The following KCND3 variants were observed in gnomAD, a reference collection of about 807,000 sequenced individuals.
KCND3 encodes A-type voltage-gated potassium channel KCND3.
Under a neutral mutation model 51.1 loss-of-function variants are expected in KCND3, and 9 were observed. That is an observed-to-expected ratio of 0.18 (90% confidence interval 0.11 to 0.31). KCND3 has a LOEUF of 0.31. Among genes scored for constraint, KCND3 ranks in the 10% least tolerant of loss-of-function variants. The pLI, the probability that KCND3 is intolerant of heterozygous loss-of-function variation, is 1.00. For missense variants in KCND3, 526 were observed against 903.8 expected (o/e 0.58, Z 5.36); for synonymous variants, 349 against 368.0 (o/e 0.95, Z 0.59).
chr1:111,981,626 T>A lies in KCND3; in HGVS notation c.1101A>T (p.Thr367=). The change falls in exon 2 of 8, where the codon ACA becomes ACT. Residue 367 remains threonine (T), a synonymous_variant. Coordinates refer to ENST00000302127, the MANE Select transcript of KCND3 (RefSeq NM_001378969.1). The surrounding 1 kb of genome is among the most constrained non-coding windows in gnomAD (Gnocchi z 6.2). ...SFWYTIVTMT[T]LGYGDMVPKT... is the part of the protein sequence containing the mutation. ...ATCCACCAGCGCTGACTTACCCCAG[T>A]GTGGTCATGGTGACAATGGTGTACC... 1 of 1,614,102 alleles carries A rather than the reference T, an allele frequency of 6.2e-7. No individual in the cohort carries two copies. Among genetic ancestry groups the A allele is most frequent in the Non-Finnish European group, 8.5e-7 (1 of 1,179,998 alleles).
At chr1:111,977,379 C>T (rs1674690841) in intron 2 of KCND3, among the ~76,000 whole-genome samples, 1 of 152,196 alleles carries the variant, frequency 6.6e-6, no homozygotes, top group South Asian at 2.1e-4. Flanking sequence ...AGGCCCCTTC[C>T]AGGATTATGT....
intron 2 of KCND3, among the ~76,000 whole-genome samples, chr1:111,924,486 C>T (rs1671609819): frequency 6.6e-6 from 1 of 152,184 alleles, no homozygotes; most frequent in South Asian, 2.1e-4. Flanking sequence ...TATTTGTTAA[C>T]ATGTGTAGGA....
At chr1:111,812,548 AC>A (rs975419257) in intron 2 of KCND3, among the ~76,000 whole-genome samples, 2 of 152,252 alleles carry the variant, frequency 1.3e-5, no homozygotes, top group Non-Finnish European at 2.9e-5. Flanking sequence ...CATGCCAAGC[AC>A]CGTGCTAAGC....
chr1:111,807,028 T>A (rs1665603809), intron 2 of KCND3, among the ~76,000 whole-genome samples: 1 of 152,206 alleles, frequency 6.6e-6, no homozygotes, highest in Admixed American at 6.5e-5. Flanking sequence ...CCCAGGTGAC[T>A]AGCACAGTAA....
At chr1:111,794,753 G>C (rs1218892450) in intron 2 of KCND3, among the ~76,000 whole-genome samples, 2 of 152,162 alleles carry the variant, frequency 1.3e-5, no homozygotes, top group Non-Finnish European at 2.9e-5. Flanking sequence ...TACCAGCCAG[G>C]GCTGAGTTCA....
At chr1:111,955,203 G>A (rs1673266638) in intron 2 of KCND3, among the ~76,000 whole-genome samples, 1 of 152,230 alleles carries the variant, frequency 6.6e-6, no homozygotes, top group African/African-American at 2.4e-5. Flanking sequence ...AAGCCTAGGA[G>A]TTGAAGAGCA....
chr1:111,948,822 G>C (rs1557739075), intron 2 of KCND3, among the ~76,000 whole-genome samples: 2 of 152,054 alleles, frequency 1.3e-5, no homozygotes. Flanking sequence ...AGATGAGGGA[G>C]GGATAGGCGA....
intron 2 of KCND3, among the ~76,000 whole-genome samples, chr1:111,907,090 C>G (rs1377873095): frequency 6.6e-6 from 1 of 152,172 alleles, no homozygotes; most frequent in Non-Finnish European, 1.5e-5. Context: ...CTCCTGTTCC[C>G]TCGTGTTCAG....
At chr1:111,823,350 C>T (rs1030310170) in intron 2 of KCND3, among the ~76,000 whole-genome samples, 3 of 152,078 alleles carry the variant, frequency 2.0e-5, no homozygotes, top group South Asian at 2.1e-4. Context: ...AAAGCCCTCA[C>T]GGGCCCTCCT....
At chr1:111,795,113 T>C (rs757272289) in intron 2 of KCND3, among the ~76,000 whole-genome samples, 25 of 152,152 alleles carry the variant, frequency 1.6e-4, no homozygotes, top group Admixed American at 1.2e-3. Context: ...TAGCCCTATG[T>C]TGTCAAGTCT....
chr1:111,879,843 G>C (rs941847417), intron 2 of KCND3, among the ~76,000 whole-genome samples: 1 of 152,210 alleles, frequency 6.6e-6, no homozygotes, highest in Non-Finnish European at 1.5e-5. Context: ...ATCCAGGACA[G>C]GCTGGTGCGG....
In KCND3 at chr1:111,775,267, G is replaced by T. The variant is rs1050460943; in HGVS notation, c.*810C>A. 6.6e-6 allele frequency: 1 copy of T among 152,526 alleles called. No individual in the cohort carries two copies. Among genetic ancestry groups the T allele is most frequent in the African/African-American group, 2.4e-5 (1 of 41,436 alleles). 9.4% of individuals were successfully genotyped at this position (152,526 alleles called of 1,614,324 possible). On this transcript the variant is annotated 3_prime_UTR_variant, in exon 8 of 8. Transcript: ENST00000302127. Reference sequence around the variant, plus strand: ...ATTGGGATCCAGGTAGAGACAGATGGCTGGACACAGAAACAGCTAGGGGTA... The same window carrying T: ...ATTGGGATCCAGGTAGAGACAGATGTCTGGACACAGAAACAGCTAGGGGTA...
intron 2 of KCND3, among the ~76,000 whole-genome samples, chr1:111,834,385 C>T (rs1016490072): frequency 2.0e-5 from 3 of 151,604 alleles, no homozygotes; most frequent in African/African-American, 7.2e-5. Context: ...GAAAAACCAA[C>T]CCCAAGACTT....
intron 2 of KCND3, among the ~76,000 whole-genome samples, chr1:111,902,244 G>A (rs1358535373): frequency 6.6e-6 from 1 of 152,190 alleles, no homozygotes; most frequent in East Asian, 1.9e-4. Context: ...ACTTTGTACT[G>A]CAAGTCAGAG....
chr1:111,848,419 C>G (rs180941166), intron 2 of KCND3, among the ~76,000 whole-genome samples: 15 of 152,324 alleles, frequency 9.8e-5, no homozygotes, highest in Admixed American at 6.5e-4. Context: ...TGGGACTAAC[C>G]GCTCCTTTCC....
chr1:111,936,930 T>C (rs1257166610), intron 2 of KCND3, among the ~76,000 whole-genome samples: 1 of 152,166 alleles, frequency 6.6e-6, no homozygotes, highest in African/African-American at 2.4e-5. Context: ...TGAATGATCT[T>C]TGCAACTCAT....
chr1:111,807,844 T>C (rs897937545), intron 2 of KCND3, among the ~76,000 whole-genome samples: 3 of 152,232 alleles, frequency 2.0e-5, no homozygotes, highest in African/African-American at 7.2e-5. Context: ...TCAGAACTTA[T>C]GTCCATTGTT....
intron 2 of KCND3, among the ~76,000 whole-genome samples, chr1:111,827,925 G>A (rs1486129206): frequency 6.6e-6 from 1 of 152,168 alleles, no homozygotes; most frequent in African/African-American, 2.4e-5. Context: ...TAGAGAATAA[G>A]AGAAAAGAGT....
intron 2 of KCND3, among the ~76,000 whole-genome samples, chr1:111,979,050 C>G (rs1329972339): frequency 6.6e-6 from 1 of 152,142 alleles, no homozygotes; most frequent in Non-Finnish European, 1.5e-5. Flanking sequence ...CCTTTCTTGC[C>G]CATTTGGTTC....
Sources: allele counts gnomAD v4.1 joint callset (sites outside exome capture counted in the v4.1 genomes callset), GRCh38; gene constraint gnomAD v4.1.1; non-coding constraint Gnocchi (gnomAD v3.1); transcripts MANE v1.5; gene names NCBI Gene and HGNC (gene_info 2026-07-23, HGNC 2026-07-21).